CEP164: variants seen among roughly 807,000 people sequenced by gnomAD.
The protein encoded by CEP164 is centrosomal protein of 164 kDa.
Under a neutral mutation model 182.7 loss-of-function variants are expected in CEP164, and 162 were observed. The observed-to-expected ratio is 0.89, with a 90% CI of 0.78 to 1.01. The LOEUF is 1.01. CEP164 is among the 50% of genes least tolerant of loss of function. The pLI is 0.00. For missense variants in CEP164, 1,735 were observed against 1,790.4 expected (o/e 0.97, Z 0.56); for synonymous variants, 661 against 690.0 (o/e 0.96, Z 0.66).
chr11:117,337,444 C>T (rs1022151291), intron 2 of CEP164, among the ~76,000 whole-genome samples: 6 of 150,230 alleles, frequency 4.0e-5, no homozygotes, highest in South Asian at 2.1e-4. Context: ...GAGGCTGAGG[C>T]GGGAGCATTG....
intron 5 of CEP164, among the ~76,000 whole-genome samples, chr11:117,358,495 A>G (rs2040560529): frequency 6.7e-6 from 1 of 149,940 alleles, no homozygotes; most frequent in Non-Finnish European, 1.5e-5. Flanking sequence ...TGGTTTGCCT[A>G]GTTAACCTTG....
intron 5 of CEP164, chr11:117,355,542 T>G (rs1224465257): frequency 7.9e-7 from 1 of 1,265,520 alleles, no homozygotes; most frequent in Non-Finnish European, 1.0e-6. Context: ...CCCATTCCCA[T>G]GTCATCCCCT....
In CEP164 at chr11:117,394,240, A is replaced by T. The variant is rs1405535420; in HGVS notation, c.2617-110A>T. 2 of 1,413,114 alleles carry T rather than the reference A, an allele frequency of 1.4e-6. No individual in the cohort carries two copies. Among genetic ancestry groups the T allele is most frequent in the East Asian group, 5.0e-5 (2 of 40,164 alleles). The allele number at this position is 1,413,114 out of a possible 1,614,324, so 87.5% of individuals were successfully genotyped here. ...TCCAAGAGCTGGCTTTAGGGAGCCG[A>T]TGGTGTCCCTGATCTTACTGATGCA... On this transcript the variant is annotated intron_variant, in intron 20 of 32. Transcript: ENST00000278935. The surrounding 1 kb of genome is among the most constrained non-coding windows in gnomAD (Gnocchi z 4.0).
chr11:117,362,655 T>C lies in CEP164; in HGVS notation c.687+117T>C. On this transcript the variant is annotated intron_variant, in intron 7 of 32. Coordinates refer to ENST00000278935, the MANE Select transcript of CEP164 (RefSeq NM_014956.5). The stretch of plus-strand genomic sequence containing the variant: ...AACATAAAATTTGCCCTTTTAACCA[T>C]TTTAAAGTTAAAATTCAGTGGTATT... 4.3e-6 allele frequency: 5 copies of C among 1,164,694 alleles called. No homozygotes were observed. In the East Asian group the frequency reaches 9.8e-5, roughly 23 times the overall value. The allele number at this position is 1,164,694 out of a possible 1,614,324, so 72.1% of individuals were successfully genotyped here. A position where few individuals can be genotyped will look rare whatever the true frequency, so the allele number is the denominator to read the frequency against.
chr11:117,346,991 CTT>C (rs1481072323), intron 4 of CEP164, among the ~76,000 whole-genome samples: 1 of 152,158 alleles, frequency 6.6e-6, no homozygotes, highest in Admixed American at 6.5e-5. Context: ...TCTCTAGACT[CTT>C]TTAATATACA....
Position 117,394,537 on chromosome 11 carries a change from G to A in CEP164, c.2760+44G>A. 1 of 1,606,972 alleles carries A rather than the reference G, an allele frequency of 6.2e-7. No individual in the cohort carries two copies. Among genetic ancestry groups the A allele is most frequent in the Non-Finnish European group, 8.5e-7 (1 of 1,177,024 alleles). On this transcript the variant is annotated intron_variant, in intron 21 of 32. Transcript: ENST00000278935. The surrounding 1 kb of genome is among the most constrained non-coding windows in gnomAD (Gnocchi z 4.0). ...GGTGAGCCCACTGTGACCCCTCCAT[G>A]CACAGTAGGAAGGTGCTGGGAGCAG...
chr11:117,373,810 C>T lies in CEP164; in HGVS notation c.1212C>T (p.Asp404=). 1 of 1,614,122 alleles carries T rather than the reference C, an allele frequency of 6.2e-7. No individual in the cohort carries two copies. Among genetic ancestry groups the T allele is most frequent in the Non-Finnish European group, 8.5e-7 (1 of 1,179,982 alleles). ...AGCTCTCAGACTCCATAGCTTCTGA[C>T]CCCAAGTCCTTCCATGGCCTGGTGA... The part of the protein sequence containing the change: ...EPQLSDSIAS[D]PKSFHGLDFG... The change falls in exon 10 of 33, where the codon GAC becomes GAT. Residue 404 remains aspartate, a synonymous_variant. Coordinates refer to ENST00000278935, the MANE Select transcript of CEP164 (RefSeq NM_014956.5).
intron 27 of CEP164, among the ~76,000 whole-genome samples, chr11:117,403,601 TCTACC>T (rs2046374767): frequency 6.6e-6 from 1 of 152,208 alleles, no homozygotes; most frequent in Non-Finnish European, 1.5e-5. Context: ...TTCCTTCATT[TCTACC>T]TTGGTGAATC....
At chr11:117,361,693 T>C in intron 5 of CEP164, 142 bp from the exon 6 acceptor site, 1 of 786,828 alleles carries the variant, frequency 1.3e-6, no homozygotes, top group South Asian at 1.6e-5. Flanking sequence ...TTCTGGATGT[T>C]GTGTTTCATT....
intron 14 of CEP164, among the ~76,000 whole-genome samples, chr11:117,383,391 C>T (rs955552061): frequency 2.0e-5 from 3 of 152,170 alleles, no homozygotes; most frequent in Admixed American, 2.0e-4. Flanking sequence ...CTCCATCCCT[C>T]GAGGAAGTTT....
At chr11:117,363,090 C>A (rs1458304182) in intron 7 of CEP164, among the ~76,000 whole-genome samples, 3 of 152,170 alleles carry the variant, frequency 2.0e-5, no homozygotes, top group Admixed American at 6.5e-5. Flanking sequence ...GTTGTTTCCA[C>A]CTTTGGCTGA....
intron 15 of CEP164, among the ~76,000 whole-genome samples, chr11:117,389,788 G>A (rs523159): frequency 0.13 from 19,473 of 152,130 alleles, 1,708 homozygotes; most frequent in African/African-American, 0.24. Flanking sequence ...GATGTGGCTA[G>A]AACAGAGTCT....
At chr11:117,401,120 G>C (rs2046086162) in intron 27 of CEP164, among the ~76,000 whole-genome samples, 1 of 152,078 alleles carries the variant, frequency 6.6e-6, no homozygotes, top group South Asian at 2.1e-4. Flanking sequence ...ATTGGCTGTG[G>C]GTTTGTCATA....
chr11:117,409,626 A>G lies in CEP164; in HGVS notation c.3757A>G (p.Thr1253Ala), dbSNP rs752198539. The G allele has an allele frequency of 1.9e-6, 3 of 1,606,216 alleles. No individual in the cohort carries two copies. The highest frequency in any genetic ancestry group is 1.7e-6 in the Non-Finnish European group (2 of 1,174,496). Residue 1253 changes from threonine to alanine, a missense_variant, in exon 30 of 33, where the codon ACC (threonine) becomes GCC (alanine). Coordinates refer to ENST00000278935, the MANE Select transcript of CEP164 (RefSeq NM_014956.5). This position sits in a 1 kb window ranked among gnomAD's most constrained non-coding sequence, Gnocchi z 4.4. Reference protein sequence around the residue: ...EWWRQQRIDSTPSLTSRKIHG... With the variant: ...EWWRQQRIDSAPSLTSRKIHG... ...CACCTCTTTTCTTTCAGTCGACTCA[A>G]CCCCGAGTCTCACCTCCCGCAAGAT...
Position 117,363,502 on chromosome 11 carries a change from A to T in CEP164, c.761A>T (p.Tyr254Phe), listed in dbSNP as rs141163158. The T allele has an allele frequency of 6.2e-7, 1 of 1,612,170 alleles. No homozygotes were observed. The highest frequency in any genetic ancestry group is 8.5e-7 in the Non-Finnish European group (1 of 1,178,350). The part of the protein sequence containing the change: ...DIGALGGDFE[Y>F]EESLRTSQPE... ...GGGGCACTGGGGGGTGACTTTGAGT[A>T]TGAGGTAAGAGCCCTAATCCCTACA... Residue 254 changes from tyrosine to phenylalanine, a missense_variant, in exon 8 of 33, where the codon TAT becomes TTT. Coordinates refer to ENST00000278935, the MANE Select transcript of CEP164 (RefSeq NM_014956.5).
At chr11:117,402,866 C>T (rs193197621) in intron 27 of CEP164, among the ~76,000 whole-genome samples, 1 of 152,308 alleles carries the variant, frequency 6.6e-6, no homozygotes, top group Admixed American at 6.5e-5. Context: ...CATCTGGGTG[C>T]TCCTGGGTGC....
chr11:117,338,442 G>A, intron 2 of CEP164, 124 bp from the exon 3 acceptor site: 1 of 685,492 alleles, frequency 1.5e-6, no homozygotes, highest in Non-Finnish European at 2.6e-6. Flanking sequence ...GCCTGGGAAG[G>A]CCCTGGCCAA....
intron 27 of CEP164, among the ~76,000 whole-genome samples, chr11:117,407,716 G>A (rs1436095058): frequency 1.3e-5 from 2 of 152,110 alleles, no homozygotes; most frequent in Admixed American, 6.5e-5. Context: ...AGTTTTTAAG[G>A]TGTAGGCATG....
chr11:117,338,449 C>T lies in CEP164; in HGVS notation c.-21-117C>T, dbSNP rs140826677. On this transcript the variant is annotated intron_variant, in intron 2 of 32. Coordinates refer to ENST00000278935, the MANE Select transcript of CEP164 (RefSeq NM_014956.5). Reference sequence around the variant, plus strand: ...TACCTGGCGCCTGGGAAGGCCCTGGCCAAATTGCTCTGCAGGGTCTGGTTT... The same window carrying T: ...TACCTGGCGCCTGGGAAGGCCCTGGTCAAATTGCTCTGCAGGGTCTGGTTT... The T allele has an allele frequency of 4.8e-3, 3,478 of 723,246 alleles. 94 individuals carry two copies. The highest frequency in any genetic ancestry group is 0.043 in the South Asian group (2,542 of 59,142). The allele number at this position is 723,246 out of a possible 1,614,324, so 44.8% of individuals were successfully genotyped here.
Sources: allele counts gnomAD v4.1 joint callset (sites outside exome capture counted in the v4.1 genomes callset), GRCh38; gene constraint gnomAD v4.1.1; non-coding constraint Gnocchi (gnomAD v3.1); transcripts MANE v1.5; gene names NCBI Gene and HGNC (gene_info 2026-07-23, HGNC 2026-07-21).